Variants in PRKG1 observed in about 807,000 individuals in gnomAD.
The protein encoded by PRKG1 is cGMP-dependent protein kinase 1.
A neutral mutation model predicts 88.1 loss-of-function variants in PRKG1; 35 were observed. The ratio of observed to expected loss-of-function variants is 0.40; its 90% CI spans 0.30 to 0.53. The LOEUF (loss-of-function observed/expected upper bound fraction) is 0.53. Ranked by LOEUF, PRKG1 falls within the 20% of genes least tolerant of loss-of-function variation. The pLI is 0.59. For missense variants in PRKG1, 540 were observed against 839.8 expected (o/e 0.64, Z 4.41); for synonymous variants, 303 against 292.5 (o/e 1.04, Z -0.37).
In PRKG1 at chr10:51,735,854, C is replaced by CATATATATATAT. The variant is rs146700314; in HGVS notation, c.593-68716_593-68705dup. Among the ~76,000 whole-genome samples the CATATATATATAT allele has an allele frequency of 6.2e-4, 71 of 114,200 alleles. No homozygotes were observed. The East Asian group carries it at 8.4e-3, about 14-fold the overall frequency. The allele number at this position is 114,200 out of a possible 152,430, so 74.9% of individuals were successfully genotyped here. On this transcript the variant is annotated intron_variant, in intron 3 of 17. Transcript: ENST00000373980. ...GGATATGGGGCAGGGGGCCTGACTG[C>CATATATATATAT]ATATATATATATATATATATATATA...
intron 7 of PRKG1, among the ~76,000 whole-genome samples, chr10:52,132,783 T>A (rs1207519271): frequency 6.6e-6 from 1 of 152,090 alleles, no homozygotes; most frequent in Non-Finnish European, 1.5e-5. Context: ...TTTTAAATTA[T>A]TTTTAAAAAT....
chr10:52,289,508 C>T (rs1842192888), intron 16 of PRKG1, among the ~76,000 whole-genome samples: 1 of 152,086 alleles, frequency 6.6e-6, no homozygotes, highest in Non-Finnish European at 1.5e-5. Context: ...TGGGTTTTCT[C>T]TATTTGTTTG....
intron 7 of PRKG1, among the ~76,000 whole-genome samples, chr10:52,111,497 A>G (rs1316773288): frequency 6.6e-6 from 1 of 152,214 alleles, no homozygotes; most frequent in East Asian, 1.9e-4. Context: ...CATCATAGCT[A>G]TTAGTGTTTT....
chr10:51,208,617 G>C (rs1838129275), intron 2 of PRKG1, among the ~76,000 whole-genome samples: 1 of 152,278 alleles, frequency 6.6e-6, no homozygotes, highest in South Asian at 2.1e-4. Flanking sequence ...AATGCAAAAG[G>C]CTTAGTGGAG....
At chr10:51,976,287 A>G (rs1343706921) in intron 5 of PRKG1, among the ~76,000 whole-genome samples, 2 of 152,038 alleles carry the variant, frequency 1.3e-5, no homozygotes, top group African/African-American at 4.8e-5. Flanking sequence ...ATAAAAACAC[A>G]CAAAAACTTC....
intron 8 of PRKG1, among the ~76,000 whole-genome samples, chr10:52,146,732 A>G (rs1837739062): frequency 6.6e-6 from 1 of 152,154 alleles, no homozygotes; most frequent in African/African-American, 2.4e-5. Flanking sequence ...AGCTCATTTT[A>G]ATTTTTTATT....
chr10:51,197,775 CA>C (rs1179016515), intron 2 of PRKG1, among the ~76,000 whole-genome samples: 1 of 150,998 alleles, frequency 6.6e-6, no homozygotes, highest in Non-Finnish European at 1.5e-5. Flanking sequence ...AAATAGTTAA[CA>C]AAGGAGCAGC....
chr10:51,512,277 C>T (rs1589033442), intron 3 of PRKG1, among the ~76,000 whole-genome samples: 1 of 147,118 alleles, frequency 6.8e-6, no homozygotes, highest in Non-Finnish European at 1.5e-5. Context: ...ATGTGCCATG[C>T]TGGTGTGCTG....
intron 4 of PRKG1, among the ~76,000 whole-genome samples, chr10:51,889,287 C>T (rs377690244): frequency 4.7e-5 from 7 of 147,558 alleles, no homozygotes; most frequent in African/African-American, 1.8e-4. Flanking sequence ...TCAATTCCCA[C>T]CTATGAGTGA....
intron 1 of PRKG1, among the ~76,000 whole-genome samples, chr10:51,150,589 G>A (rs1017644909): frequency 6.6e-6 from 1 of 152,054 alleles, no homozygotes; most frequent in African/African-American, 2.4e-5. Flanking sequence ...ATGCTATTTG[G>A]CAATATCTGT....
At chr10:52,131,928 A>G (rs138107490) in intron 7 of PRKG1, among the ~76,000 whole-genome samples, 2 of 151,906 alleles carry the variant, frequency 1.3e-5, no homozygotes, top group East Asian at 3.9e-4. Flanking sequence ...CTATAACAAA[A>G]ATTTTAGAGT....
chr10:51,118,885 A>G (rs1845198206), intron 1 of PRKG1, among the ~76,000 whole-genome samples: 1 of 152,150 alleles, frequency 6.6e-6, no homozygotes. Flanking sequence ...GCAACAGCAT[A>G]TTGGTTCTGA....
chr10:52,263,244 A>G (rs1407089237), intron 10 of PRKG1, among the ~76,000 whole-genome samples: 1 of 152,116 alleles, frequency 6.6e-6, no homozygotes, highest in Non-Finnish European at 1.5e-5. Flanking sequence ...TAACTGGGGA[A>G]CTTTTATTGT....
At chr10:51,005,272 AAAAAAT>A (rs1241191125) in intron 1 of PRKG1, among the ~76,000 whole-genome samples, 1 of 152,214 alleles carries the variant, frequency 6.6e-6, no homozygotes, top group African/African-American at 2.4e-5. Context: ...GATAATTAAA[AAAAAAT>A]AAAATAAAAT....
intron 1 of PRKG1, among the ~76,000 whole-genome samples, chr10:51,147,104 G>A (rs977272549): frequency 6.6e-6 from 1 of 152,072 alleles, no homozygotes; most frequent in African/African-American, 2.4e-5. Context: ...AAAGTAAAGA[G>A]CAGGATTATA....
chr10:51,875,384 TA>T (rs967466915), intron 4 of PRKG1, among the ~76,000 whole-genome samples: 19 of 148,656 alleles, frequency 1.3e-4, no homozygotes, highest in South Asian at 2.1e-4. Context: ...ATAATTGTTT[TA>T]AAAAAAAAAC....
intron 2 of PRKG1, chr10:51,245,757 T>A (rs1297072103): frequency 6.6e-6 from 1 of 152,064 alleles, no homozygotes; most frequent in East Asian, 1.9e-4. Flanking sequence ...AAGAGAACAC[T>A]GAGACTGAAG....
intron 1 of PRKG1, among the ~76,000 whole-genome samples, chr10:51,005,814 G>T (rs1842935240): frequency 6.6e-6 from 1 of 152,186 alleles, no homozygotes; most frequent in South Asian, 2.1e-4. Context: ...AGGGATCATT[G>T]ACAGTTGTGC....
At chr10:51,562,086 T>C (rs7910218) in intron 3 of PRKG1, among the ~76,000 whole-genome samples, 21,511 of 151,844 alleles carry the variant, frequency 0.14, 1,636 homozygotes, top group African/African-American at 0.19. Context: ...TAGCTGGGCA[T>C]GGTGGTGCAT....
Sources: gnomAD v4.1 joint callset for allele counts (sites outside exome capture counted in the v4.1 genomes callset) on GRCh38, gnomAD v4.1.1 for gene constraint, MANE v1.5 for transcripts, NCBI Gene and HGNC (gene_info 2026-07-23, HGNC 2026-07-21) for gene names.